Variants in TNRC6C observed in about 807,000 individuals in gnomAD.
TNRC6C encodes trinucleotide repeat containing adaptor 6C, also known as trinucleotide repeat-containing gene 6C protein.
TNRC6C carries 20 observed loss-of-function variants against 153.7 expected under a neutral mutation model. The observed-to-expected ratio is 0.13, with a 90% CI of 0.09 to 0.19. The LOEUF is 0.19. Among genes scored for constraint, TNRC6C ranks in the 10% least tolerant of loss-of-function variants. TNRC6C has a pLI of 1.00. For synonymous variants in TNRC6C, 811 were observed against 841.4 expected (o/e 0.96, Z 0.63); for missense variants, 1,987 against 2,172.0 (o/e 0.91, Z 1.69).
chr17:78,093,705 T>C, exon 16 of TNRC6C: 1 of 1,613,958 alleles, frequency 6.2e-7, no homozygotes, highest in Non-Finnish European at 8.5e-7. Flanking sequence ...GTGTCCCCAC[T>C]GGGCCTACCA....
chr17:78,051,171 C>T, exon 3 of TNRC6C: 1 of 1,577,926 alleles, frequency 6.3e-7, no homozygotes, highest in Non-Finnish European at 8.6e-7. Context: ...AACAGAAGGA[C>T]AGCAGTGAAG....
chr17:78,011,581 C>T (rs2071632087), intron 1 of TNRC6C, among the ~76,000 whole-genome samples: 1 of 152,172 alleles, frequency 6.6e-6, no homozygotes, highest in African/African-American at 2.4e-5. Context: ...CCTCTTCATT[C>T]TCCTGTTCAT....
At chr17:78,065,485 C>T (rs4789012) in intron 4 of TNRC6C, among the ~76,000 whole-genome samples, 2 of 151,944 alleles carry the variant, frequency 1.3e-5, no homozygotes, top group Admixed American at 6.5e-5. Flanking sequence ...AAAGCAACCC[C>T]GCATATTATG....
intron 2 of TNRC6C, among the ~76,000 whole-genome samples, chr17:78,036,650 G>A (rs987751406): frequency 1.3e-4 from 20 of 152,222 alleles, no homozygotes; most frequent in African/African-American, 4.6e-4. Context: ...TAGGCCGGGC[G>A]CGTTGGCTCA....
chr17:77,984,222 G>A (rs919942962), intron 1 of TNRC6C, among the ~76,000 whole-genome samples: 7 of 152,010 alleles, frequency 4.6e-5, no homozygotes, highest in South Asian at 2.1e-4. Context: ...AGGAATAGAG[G>A]AGAAAAGGGT....
intron 1 of TNRC6C, among the ~76,000 whole-genome samples, chr17:78,021,031 C>T (rs2071822326): frequency 6.6e-6 from 1 of 152,242 alleles, no homozygotes; most frequent in Admixed American, 6.5e-5. Flanking sequence ...CGGCAACCAA[C>T]ACAGTCCTGG....
rs1567929210 is a variant in TNRC6C, at chr17:78,039,314, C to CAA, written c.-219+7472_-219+7473insAA. ...GAACAGCAATTTCAAATCTTGCCCCCCCCCCCCACTCCCTACCTCTTACCA... is the reference window on the plus strand; with the variant it reads ...GAACAGCAATTTCAAATCTTGCCCCCAACCCCCCCACTCCCTACCTCTTACCA... On this transcript the variant is annotated intron_variant, in intron 2 of 19. Coordinates refer to ENST00000301624, the Ensembl canonical transcript of TNRC6C. 9.4e-5 allele frequency among the ~76,000 whole-genome samples: 14 copies of CAA among 148,194 alleles called. 1 individual carries two copies. Among genetic ancestry groups the CAA allele is most frequent in the Non-Finnish European group, 1.8e-4 (12 of 67,440 alleles).
rs1264275332 is a variant in TNRC6C at position 77,974,084 on chromosome 17, AAG to A, written c.-38+14818_-38+14819del. Among the ~76,000 whole-genome samples, 6 of 152,062 alleles carry A rather than the reference AAG, an allele frequency of 3.9e-5. No individual in the cohort carries two copies. In the South Asian group the frequency reaches 1.0e-3, roughly 26 times the overall value. Reference sequence around the variant, plus strand: ...GGGGGGAGAGAGAGAGAGAGAAAGAAAGAAAAAGAATGGAGGTAAAACAGAAC... The same window carrying A: ...GGGGGGAGAGAGAGAGAGAGAAAGAAAAAAAGAATGGAGGTAAAACAGAAC... On this transcript the variant is annotated intron_variant, in intron 1 of 22. Transcript: ENST00000636222.
chr17:78,105,757 T>C (rs2073683477), exon 20 of TNRC6C: 1 of 152,238 alleles, frequency 6.6e-6, no homozygotes, highest in Non-Finnish European at 1.5e-5. Flanking sequence ...TATACGCTTT[T>C]TTTTTGGCGC....
At chr17:78,038,700 T>G (rs758417127) in intron 2 of TNRC6C, among the ~76,000 whole-genome samples, 108 of 144,186 alleles carry the variant, frequency 7.5e-4, no homozygotes, top group Non-Finnish European at 1.4e-3. Flanking sequence ...AAAAAAAAAG[T>G]ATTTCCTTGT....
chr17:78,006,499 TTC>T (rs1280795936), intron 1 of TNRC6C, among the ~76,000 whole-genome samples: 6 of 12,952 alleles, frequency 4.6e-4, no homozygotes, highest in South Asian at 3.5e-3. Context: ...TTCTTTCTTC[TTC>T]TTCTTCTTCT....
chr17:77,996,320 A>G (rs544993534), intron 1 of TNRC6C, among the ~76,000 whole-genome samples: 2 of 152,110 alleles, frequency 1.3e-5, no homozygotes, highest in Non-Finnish European at 2.9e-5. Flanking sequence ...ATTTAAGGAG[A>G]AAAAAAAGAG....
At chr17:77,978,187 G>A (rs760707640) in intron 1 of TNRC6C, among the ~76,000 whole-genome samples, 81 of 152,142 alleles carry the variant, frequency 5.3e-4, no homozygotes, top group Non-Finnish European at 9.7e-4. Context: ...GTGAGCCACC[G>A]CGCCCGGCCT....
intron 1 of TNRC6C, chr17:78,008,350 ATCTTTGGGTCATTT>A (rs942900339): frequency 6.6e-6 from 1 of 152,130 alleles, no homozygotes; most frequent in African/African-American, 2.4e-5. Flanking sequence ...GACCTGTGAT[ATCTTTGGGTCATTT>A]TCTTTTTAAG....
At chr17:78,081,355 G>A (rs190387530) in intron 10 of TNRC6C, among the ~76,000 whole-genome samples, 28 of 152,192 alleles carry the variant, frequency 1.8e-4, no homozygotes, top group Middle Eastern at 6.8e-3. Context: ...ACTGGGCACT[G>A]CATTGAGGGT....
At chr17:77,972,477 A>T (rs1167229902) in intron 1 of TNRC6C, among the ~76,000 whole-genome samples, 1 of 151,476 alleles carries the variant, frequency 6.6e-6, no homozygotes, top group Non-Finnish European at 1.5e-5. Flanking sequence ...GCGCCACTGC[A>T]CTCCAGCCTG....
chr17:78,044,499 C>T (rs926885672), intron 2 of TNRC6C, among the ~76,000 whole-genome samples: 2 of 152,182 alleles, frequency 1.3e-5, no homozygotes, highest in South Asian at 2.1e-4. Flanking sequence ...GCCAGTCACA[C>T]GATGACTCAC....
chr17:78,075,907 TA>T lies in TNRC6C; in HGVS notation c.3060+639del, dbSNP rs200649984. On this transcript the variant is annotated intron_variant, in intron 8 of 19. Coordinates refer to ENST00000301624, the Ensembl canonical transcript of TNRC6C. The surrounding 1 kb of genome is among the most constrained non-coding windows in gnomAD (Gnocchi z 4.2). ...AAAATTGAAGTAAGGAAGGACACAT[TA>T]AAAAAAAAAGATCAACAATGGAAGG... Among the ~76,000 whole-genome samples the T allele has an allele frequency of 6.8e-5, 10 of 147,446 alleles. No individual in the cohort carries two copies. Among genetic ancestry groups the T allele is most frequent in the African/African-American group, 1.7e-4 (7 of 40,304 alleles).
intron 1 of TNRC6C, among the ~76,000 whole-genome samples, chr17:77,973,009 G>A (rs1236276418): frequency 6.6e-6 from 1 of 152,178 alleles, no homozygotes; most frequent in African/African-American, 2.4e-5. Context: ...AGGTTCAAGC[G>A]ATTCTCCTGC....
Sources: allele counts gnomAD v4.1 joint callset (sites outside exome capture counted in the v4.1 genomes callset), GRCh38; gene constraint gnomAD v4.1.1; non-coding constraint Gnocchi (gnomAD v3.1); transcripts MANE v1.5; gene names NCBI Gene and HGNC (gene_info 2026-07-23, HGNC 2026-07-21).